The following KATNB1 variants were observed in gnomAD, a reference collection of about 807,000 sequenced individuals.
The protein encoded by KATNB1 is katanin regulatory subunit B1.
Under a neutral mutation model 82.3 loss-of-function variants are expected in KATNB1, and 38 were observed. The observed-to-expected ratio is 0.46, with a 90% confidence interval of 0.36 to 0.61. The LOEUF (loss-of-function observed/expected upper bound fraction) is 0.61, where lower values mean the gene tolerates loss of function less well. KATNB1 is among the 20% of genes least tolerant of loss of function. The probability of loss-of-function intolerance (pLI) is 0.00; values close to 1 mark genes in which losing one functional copy is unlikely to be tolerated. For synonymous variants in KATNB1, 361 were observed against 368.7 expected (o/e 0.98, Z 0.24); for missense variants, 749 against 915.7 (o/e 0.82, Z 2.35).
Position 57,751,522 on chromosome 16 carries a change from C to T in KATNB1, c.433-119C>T. The T allele has an allele frequency of 1.9e-6, 2 of 1,073,116 alleles. No homozygotes were observed. The highest frequency in any genetic ancestry group is 1.5e-5 in the African/African-American group (1 of 64,844). 66.5% of individuals were successfully genotyped at this position (1,073,116 alleles called of 1,614,324 possible). A position where few individuals can be genotyped will look rare whatever the true frequency, so the allele number is the denominator to read the frequency against. On this transcript the variant is annotated intron_variant, in intron 6 of 19. Coordinates refer to ENST00000379661, the MANE Select transcript of KATNB1 (RefSeq NM_005886.3). This position sits in a 1 kb window ranked among gnomAD's most constrained non-coding sequence, Gnocchi z 6.3. ...GCCACGTTCATCAAACTGCTCCAAG[C>T]AGAACCAGGCGGGTAACCAGTGTTG... is the stretch of plus-strand genomic sequence containing the variant.
At chr16:57,735,995 G>A (rs2049096877) in intron 1 of KATNB1, 140 bp downstream of exon 1, 1 of 152,412 alleles carries the variant, frequency 6.6e-6, no homozygotes, top group African/African-American at 2.4e-5. Flanking sequence ...GCAGAGGGTT[G>A]GGAGGATCAG....
At chr16:57,753,325 C>A in intron 11 of KATNB1, 58 bp downstream of exon 11, 1 of 1,579,556 alleles carries the variant, frequency 6.3e-7, no homozygotes, top group Non-Finnish European at 8.6e-7. Flanking sequence ...GGGGAAGCCT[C>A]GGAGTTCCAG....
intron 11 of KATNB1, 54 bp downstream of exon 11, chr16:57,753,321 G>A (rs2049246289): frequency 1.1e-5 from 18 of 1,578,780 alleles, no homozygotes; most frequent in Non-Finnish European, 1.5e-5. Context: ...CACAGGGGAA[G>A]CCTCGGAGTT....
chr16:57,745,590 T>G (rs2148791480), intron 4 of KATNB1, among the ~76,000 whole-genome samples: 1 of 151,700 alleles, frequency 6.6e-6, no homozygotes, highest in South Asian at 2.1e-4. Flanking sequence ...GTTAACACAT[T>G]AGTTATTCTC....
At chr16:57,744,132 G>A (rs57528796) in intron 3 of KATNB1, among the ~76,000 whole-genome samples, 135 of 152,336 alleles carry the variant, frequency 8.9e-4, no homozygotes, top group African/African-American at 3.1e-3. Flanking sequence ...TGCAGGTGAC[G>A]CCCATGTCAG....
intron 3 of KATNB1, among the ~76,000 whole-genome samples, chr16:57,743,620 C>T (rs571236373): frequency 2.6e-5 from 4 of 152,072 alleles, no homozygotes; most frequent in Non-Finnish European, 5.9e-5. Context: ...TGTTTTAGAA[C>T]GCCAGGTGCA....
In KATNB1 at chr16:57,753,433, A is replaced by G; in HGVS notation, c.1091A>G (p.Glu364Gly). The G allele has an allele frequency of 6.4e-7, 1 of 1,558,114 alleles. No individual in the cohort carries two copies. Among genetic ancestry groups the G allele is most frequent in the Non-Finnish European group, 8.7e-7 (1 of 1,144,808 alleles). The change falls in exon 12 of 20, where the codon GAG becomes GGG. Residue 364 changes from glutamate (E) to glycine (G), a missense_variant. Transcript: ENST00000379661. ...AGCGAGCGCCGCAGCCCCAGCAGCG[A>G]GGATGACCGGGACGAGCGCGAGTCC... ...SESERRSPSS[E>G]DDRDERESRA...
At chr16:57,739,828 C>T (rs60966228) in intron 2 of KATNB1, among the ~76,000 whole-genome samples, 3,402 of 152,254 alleles carry the variant, frequency 0.022, 108 homozygotes, top group East Asian at 0.14. Context: ...TCGTGCAAGG[C>T]CTAGAACAGG....
At position 57,752,560 on chromosome 16, in the gene KATNB1, C is replaced by A; in HGVS notation, c.663C>A (p.Phe221Leu). The change falls in exon 9 of 20, where the codon TTC (phenylalanine) becomes TTA (leucine). Residue 221 changes from phenylalanine (F) to leucine (L), a missense_variant. Transcript: ENST00000379661. ...RTIRFWDLEK[F>L]QVVSCIEGEP... ...TCCGCTTCTGGGACCTGGAGAAGTT[C>A]CAGGTGGTGAGCTGCATCGAAGGGG... 6.4e-7 allele frequency: 1 copy of A among 1,570,000 alleles called. No homozygotes were observed. The highest frequency in any genetic ancestry group is 2.3e-5 in the East Asian group (1 of 43,296).
chr16:57,741,015 C>T (rs1165404928), intron 2 of KATNB1, among the ~76,000 whole-genome samples: 9 of 152,226 alleles, frequency 5.9e-5, no homozygotes, highest in African/African-American at 2.2e-4. Context: ...ACTTTCCAGA[C>T]GAGGAGCCAG....
At chr16:57,736,932 T>A (rs575416159) in intron 1 of KATNB1, 46 bp from the exon 2 acceptor site, 2 of 626,564 alleles carry the variant, frequency 3.2e-6, no homozygotes, top group South Asian at 3.0e-5. Flanking sequence ...CAACAGCTCT[T>A]ACCAAGCATT....
Position 57,753,191 on chromosome 16 carries a change from C to G in KATNB1, c.970C>G (p.Gln324Glu), listed in dbSNP as rs1567902132. The G allele has an allele frequency of 6.2e-7, 1 of 1,609,746 alleles. No individual in the cohort carries two copies. The highest frequency in any genetic ancestry group is 1.7e-5 in the Admixed American group (1 of 59,982). The change falls in exon 11 of 20, where the codon CAG becomes GAG. Residue 324 changes from glutamine (Q) to glutamate (E), a missense_variant. Gln to Glu is a conservative substitution (Grantham distance 29). Transcript: ENST00000379661. ...TGTGCAGGACCACCGGCCCCTGGCA[C>G]AGCCACTGCCCAACCCCAGCGCCCC... ...DPVQDHRPLA[Q>E]PLPNPSAPLR...
intron 13 of KATNB1, among the ~76,000 whole-genome samples, chr16:57,754,657 C>T (rs1225420900): frequency 1.3e-5 from 2 of 152,192 alleles, no homozygotes; most frequent in African/African-American, 4.8e-5. Context: ...GCCCCCTCCA[C>T]ATACATGCCA....
rs782395530 is a variant in KATNB1 at position 57,755,787 on chromosome 16, C to T, written c.1567-54C>T. On this transcript the variant is annotated intron_variant, in intron 16 of 19. Coordinates refer to ENST00000379661, the MANE Select transcript of KATNB1 (RefSeq NM_005886.3). The stretch of plus-strand genomic sequence containing the variant: ...GTTCGTACCCCCACCCTCACCCTCA[C>T]AGGGCCACACTGTCCCCCACTGCCC... 12 of 1,517,808 alleles carry T rather than the reference C, an allele frequency of 7.9e-6. No homozygotes were observed. In the South Asian group the frequency reaches 1.5e-4, roughly 19 times the overall value. 94.0% of individuals were successfully genotyped at this position (1,517,808 alleles called of 1,614,324 possible).
At position 57,752,511 on chromosome 16, in the gene KATNB1, A is replaced by G; in HGVS notation, c.633-19A>G. ...GGATGAGGGATAGGCTTCGCAGCAC[A>G]GCTTGGCTGCCTTTGCAGGACAATC... On this transcript the variant is annotated intron_variant, in intron 8 of 19. Coordinates refer to ENST00000379661, the MANE Select transcript of KATNB1 (RefSeq NM_005886.3). 9.6e-6 allele frequency: 15 copies of G among 1,556,746 alleles called. No homozygotes were observed. Among genetic ancestry groups the G allele is most frequent in the Non-Finnish European group, 1.3e-5 (15 of 1,149,412 alleles).
rs781829852 is a variant in KATNB1 at position 57,756,431 on chromosome 16, G to A, written c.1794G>A (p.Ala598=). 30 of 1,613,672 alleles carry A rather than the reference G, an allele frequency of 1.9e-5. No individual in the cohort carries two copies. Among genetic ancestry groups the A allele is most frequent in the Admixed American group, 3.3e-5 (2 of 59,996 alleles). ...TGCCCCTCATCACAGACATGCTGGCGGCCCCACCCTCTGTGGGTGTGGATA... is the reference window on the plus strand; with the variant it reads ...TGCCCCTCATCACAGACATGCTGGCAGCCCCACCCTCTGTGGGTGTGGATA... ...RFLPLITDML[A]APPSVGVDIS... is the part of the protein sequence containing the mutation. Residue 598 remains alanine (A), a synonymous_variant, in exon 19 of 20, where the codon GCG becomes GCA. Coordinates refer to ENST00000379661, the MANE Select transcript of KATNB1 (RefSeq NM_005886.3).
chr16:57,742,346 CTG>C (rs1488439293), intron 3 of KATNB1, among the ~76,000 whole-genome samples: 44 of 152,362 alleles, frequency 2.9e-4, no homozygotes, highest in African/African-American at 1.0e-3. Flanking sequence ...ATGCTGGAAA[CTG>C]TTTTCCAAAT....
rs1555583167 is a variant in KATNB1 at position 57,751,669 on chromosome 16, G to A, written c.461G>A (p.Arg154Gln). ...CACAGCCAGGCCGTGCGGTGTCTCC[G>A]GTTCAGCCCCGATGGGAAGTGGTTG... is the stretch of plus-strand genomic sequence containing the variant. ...RGHSQAVRCL[R>Q]FSPDGKWLAS... Residue 154 changes from arginine to glutamine, a missense_variant, in exon 7 of 20, where the codon CGG becomes CAG. Physicochemically the swap from Arg to Gln is conservative, Grantham distance 43 (BLOSUM62 1). Around this residue, in one of 3 missense-constraint regions of KATNB1, gnomAD observed 247 missense variants for 349.4 expected, o/e 0.71. Coordinates refer to ENST00000379661, the MANE Select transcript of KATNB1 (RefSeq NM_005886.3). This position sits in a 1 kb window ranked among gnomAD's most constrained non-coding sequence, Gnocchi z 6.3. 8 of 1,611,462 alleles carry A rather than the reference G, an allele frequency of 5.0e-6. No homozygotes were observed. The highest frequency in any genetic ancestry group is 2.2e-5 in the East Asian group (1 of 44,882).
At chr16:57,756,091 C>T (rs1555586179) in intron 18 of KATNB1, 25 bp downstream of exon 18, 2 of 1,601,012 alleles carry the variant, frequency 1.2e-6, no homozygotes, top group Non-Finnish European at 1.7e-6. Flanking sequence ...GCCATGCCTG[C>T]CTGAAGCAGG....
Sources: allele counts gnomAD v4.1 joint callset (sites outside exome capture counted in the v4.1 genomes callset), GRCh38; gene constraint gnomAD v4.1.1; regional missense constraint gnomAD v4.1.1; non-coding constraint Gnocchi (gnomAD v3.1); transcripts MANE v1.5; gene names NCBI Gene and HGNC (gene_info 2026-07-23, HGNC 2026-07-21).